MVB12B: variants seen among roughly 807,000 people sequenced by gnomAD.
The protein encoded by MVB12B is ESCRT-I complex subunit MVB12B.
Under a neutral mutation model 41.6 loss-of-function variants are expected in MVB12B, and 16 were observed. The observed-to-expected ratio is 0.38, with a 90% CI of 0.26 to 0.58. The LOEUF is 0.58. Ranked by LOEUF, MVB12B falls within the 20% of genes least tolerant of loss-of-function variation. The pLI, the probability that MVB12B is intolerant of heterozygous loss-of-function variation, is 0.62. For synonymous variants in MVB12B, 133 were observed against 139.7 expected (o/e 0.95, Z 0.34); for missense variants, 274 against 380.2 (o/e 0.72, Z 2.32).
At position 126,459,605 on chromosome 9, in the gene MVB12B, G is replaced by A. The variant is rs760853263; in HGVS notation, c.758-21764G>A. On this transcript the variant is annotated intron_variant, in intron 7 of 9. Transcript: ENST00000361171. The surrounding 1 kb of genome is among the most constrained non-coding windows in gnomAD (Gnocchi z 4.3). ...AGAGCCAAAGCCTCGGGAGGCTTGG[G>A]GCTAAGGATGTGTATTTTCGCACGC... Among the ~76,000 whole-genome samples the A allele has an allele frequency of 1.3e-5, 2 of 152,208 alleles. No homozygotes were observed. The highest frequency in any genetic ancestry group is 6.5e-5 in the Admixed American group (1 of 15,282).
At chr9:126,341,903 A>G (rs77881443) in intron 2 of MVB12B, among the ~76,000 whole-genome samples, 1,769 of 152,308 alleles carry the variant, frequency 0.012, 29 homozygotes, top group African/African-American at 0.041. Context: ...GGTCCTGGGT[A>G]AGGAAGGAGG....
At chr9:126,404,139 G>A (rs1831349882) in intron 6 of MVB12B, among the ~76,000 whole-genome samples, 1 of 151,888 alleles carries the variant, frequency 6.6e-6, no homozygotes, top group African/African-American at 2.4e-5. Context: ...ATTTTTAGTA[G>A]AGATGGGGTT....
chr9:126,492,881 A>G (rs1271107917), intron 9 of MVB12B, among the ~76,000 whole-genome samples: 1 of 152,198 alleles, frequency 6.6e-6, no homozygotes, highest in Non-Finnish European at 1.5e-5. Flanking sequence ...TTCAAGTTGA[A>G]CAACTTTTCA....
chr9:126,472,828 T>A (rs113319470), intron 7 of MVB12B, among the ~76,000 whole-genome samples: 2,726 of 152,276 alleles, frequency 0.018, 41 homozygotes, highest in Non-Finnish European at 0.029. Flanking sequence ...CCTGCTTAAT[T>A]ACAGCTCTGT....
intron 7 of MVB12B, among the ~76,000 whole-genome samples, chr9:126,435,439 G>A (rs1489862656): frequency 6.6e-6 from 1 of 152,116 alleles, no homozygotes; most frequent in African/African-American, 2.4e-5. Flanking sequence ...ATGTTAGCTT[G>A]CTACTGGGTA....
intron 2 of MVB12B, among the ~76,000 whole-genome samples, chr9:126,344,510 T>C (rs953998585): frequency 6.6e-6 from 1 of 152,344 alleles, no homozygotes; most frequent in South Asian, 2.1e-4. Flanking sequence ...TGCTACCACA[T>C]GGCGCCTTTT....
rs1258960214 is a variant in MVB12B at position 126,386,614 on chromosome 9, C to T, written c.365C>T (p.Thr122Ile). 7 of 1,614,012 alleles carry T rather than the reference C, an allele frequency of 4.3e-6. No individual in the cohort carries two copies. The highest frequency in any genetic ancestry group is 5.9e-6 in the Non-Finnish European group (7 of 1,179,996). ...VDMKLIDIKD[T>I]LPVGFIPIQE... ...ATGAAGCTCATTGACATCAAGGACACACTGCCTGTGGGCTTCATCCCAATT... is the reference window on the plus strand; with the variant it reads ...ATGAAGCTCATTGACATCAAGGACATACTGCCTGTGGGCTTCATCCCAATT... Residue 122 changes from threonine to isoleucine, a missense_variant, in exon 4 of 10, where the codon ACA becomes ATA. By Grantham distance (89) the Thr-to-Ile change is moderately conservative. Coordinates refer to ENST00000361171, the MANE Select transcript of MVB12B (RefSeq NM_033446.3). This position sits in a 1 kb window ranked among gnomAD's most constrained non-coding sequence, Gnocchi z 4.3.
intron 2 of MVB12B, among the ~76,000 whole-genome samples, chr9:126,377,840 G>C (rs1387943422): frequency 1.3e-5 from 2 of 152,232 alleles, no homozygotes; most frequent in Non-Finnish European, 2.9e-5. Context: ...GAATCCTGAT[G>C]TAGCCTGACA....
At chr9:126,461,130 G>A (rs1833079306) in intron 7 of MVB12B, among the ~76,000 whole-genome samples, 1 of 152,188 alleles carries the variant, frequency 6.6e-6, no homozygotes, top group Admixed American at 6.5e-5. Flanking sequence ...ACCTCATAAG[G>A]AAGAGAAGTC....
intron 2 of MVB12B, among the ~76,000 whole-genome samples, chr9:126,350,004 C>G (rs1588094699): frequency 6.6e-6 from 1 of 152,140 alleles, no homozygotes; most frequent in Non-Finnish European, 1.5e-5. Flanking sequence ...CATTTGTTAT[C>G]GTCAGTATTT....
At chr9:126,342,285 G>C (rs1244101108) in intron 2 of MVB12B, among the ~76,000 whole-genome samples, 2 of 152,178 alleles carry the variant, frequency 1.3e-5, no homozygotes, top group African/African-American at 2.4e-5. Flanking sequence ...CAAGGCAGGG[G>C]TCTCCCCATC....
intron 2 of MVB12B, among the ~76,000 whole-genome samples, chr9:126,347,764 G>C (rs1431456792): frequency 1.3e-5 from 2 of 152,230 alleles, no homozygotes; most frequent in African/African-American, 4.8e-5. Context: ...TGTGAAGATG[G>C]CAACTATATC....
intron 7 of MVB12B, 88 bp from the exon 8 acceptor site, chr9:126,481,281 A>G: frequency 9.0e-7 from 1 of 1,117,240 alleles, no homozygotes. Context: ...ACGGATTCAT[A>G]TTCTCTGTTT....
intron 1 of MVB12B, among the ~76,000 whole-genome samples, chr9:126,328,191 T>A (rs1829035302): frequency 6.6e-6 from 1 of 152,004 alleles, no homozygotes; most frequent in Non-Finnish European, 1.5e-5. Flanking sequence ...TCATGTGGGG[T>A]CCTTGGAGAT....
At chr9:126,402,357 G>T (rs79313511) in intron 6 of MVB12B, among the ~76,000 whole-genome samples, 1,544 of 152,068 alleles carry the variant, frequency 0.01, 32 homozygotes, top group African/African-American at 0.036. Context: ...GGCTTGGGGC[G>T]CTGGGTGTGG....
chr9:126,327,323 C>T, intron 1 of MVB12B: 1 of 985,332 alleles, frequency 1.0e-6, no homozygotes, highest in Non-Finnish European at 1.2e-6. Flanking sequence ...GCCACCTCTG[C>T]CCGCGTGAGA....
At chr9:126,451,872 G>T (rs191302553) in intron 7 of MVB12B, among the ~76,000 whole-genome samples, 1 of 152,226 alleles carries the variant, frequency 6.6e-6, no homozygotes, top group South Asian at 2.1e-4. Context: ...TAGGTTAGCC[G>T]TGTGACTGAT....
rs143162028 is a variant in MVB12B at position 126,360,998 on chromosome 9, C to T, written c.205-20066C>T. Among the ~76,000 whole-genome samples the T allele has an allele frequency of 7.4e-3, 1,128 of 152,092 alleles. 13 individuals carry two copies. The highest frequency in any genetic ancestry group is 9.9e-3 in the Non-Finnish European group (670 of 67,980). On this transcript the variant is annotated intron_variant, in intron 2 of 9. Coordinates refer to ENST00000361171, the MANE Select transcript of MVB12B (RefSeq NM_033446.3). ...TTTGAAGTGGGTTTCTTGTAGACAC[C>T]GTATTATCTAGTCTGACAATTTCTT...
At chr9:126,381,315 A>T (rs1481647891) in intron 3 of MVB12B, 144 bp downstream of exon 3, 1 of 643,396 alleles carries the variant, frequency 1.6e-6, no homozygotes, top group African/African-American at 1.8e-5. Flanking sequence ...GGGTAGAATC[A>T]GCAGCCAGCA....
Sources: allele counts gnomAD v4.1 joint callset (sites outside exome capture counted in the v4.1 genomes callset), GRCh38; gene constraint gnomAD v4.1.1; non-coding constraint Gnocchi (gnomAD v3.1); transcripts MANE v1.5; gene names NCBI Gene and HGNC (gene_info 2026-07-23, HGNC 2026-07-21).